CREBRF: variants seen among roughly 807,000 people sequenced by gnomAD.
CREBRF encodes the protein UPF0474 protein C5orf41.
A neutral mutation model predicts 66.1 loss-of-function variants in CREBRF; 5 were observed. The ratio of observed to expected loss-of-function variants is 0.08; its 90% CI spans 0.04 to 0.16. CREBRF has a LOEUF of 0.16. Among genes scored for constraint, CREBRF ranks in the 10% least tolerant of loss-of-function variants. The pLI, the probability that CREBRF is intolerant of heterozygous loss-of-function variation, is 1.00. For synonymous variants in CREBRF, 229 were observed against 264.4 expected (o/e 0.87, Z 1.30); for missense variants, 531 against 744.9 (o/e 0.71, Z 3.34).
rs1759156521 is a variant in CREBRF at position 173,122,374 on chromosome 5, T to C, written c.1682-706T>C. On this transcript the variant is annotated intron_variant, in intron 7 of 8. Transcript: ENST00000296953. Reference sequence around the variant, plus strand: ...CCTTGGTCTCCCAAAGTGTTGGGATTATAGGCGTGAGCCACTGCACCTGGC... The same window carrying C: ...CCTTGGTCTCCCAAAGTGTTGGGATCATAGGCGTGAGCCACTGCACCTGGC... Among the ~76,000 whole-genome samples, 3 of 152,306 alleles carry C rather than the reference T, an allele frequency of 2.0e-5. No homozygotes were observed. The South Asian group carries it at 6.2e-4, about 32-fold the overall frequency.
intron 4 of CREBRF, among the ~76,000 whole-genome samples, chr5:173,096,434 T>C (rs1461281323): frequency 4.0e-5 from 3 of 74,860 alleles, no homozygotes; most frequent in East Asian, 3.2e-4. Flanking sequence ...TCCCTTCCCT[T>C]CCCTCCCCTC....
Position 173,091,373 on chromosome 5 carries a change from T to G in CREBRF, c.1194T>G (p.Asp398Glu). The change falls in exon 4 of 9, where the codon GAT (aspartate) becomes GAG (glutamate). Residue 398 changes from aspartate (D) to glutamate (E), a missense_variant. By Grantham distance (45) the Asp-to-Glu change is conservative. Around this residue, in one of 5 missense-constraint regions of CREBRF, gnomAD observed 309 missense variants for 341.4 expected, o/e 0.90. Transcript: ENST00000296953. The part of the protein sequence containing the change: ...EEEDYEDDKD[D>E]DISDTFSEPG... Reference sequence around the variant, plus strand: ...AGGATTATGAAGATGACAAGGATGATGATATTAGTGATACTTTCTCTGAAC... The same window carrying G: ...AGGATTATGAAGATGACAAGGATGAGGATATTAGTGATACTTTCTCTGAAC... 1 of 1,613,942 alleles carries G rather than the reference T, an allele frequency of 6.2e-7. No homozygotes were observed. Among genetic ancestry groups the G allele is most frequent in the Non-Finnish European group, 8.5e-7 (1 of 1,179,932 alleles).
chr5:173,138,263 T>C lies in CREBRF; in HGVS notation c.*4518T>C, dbSNP rs1296173713. On this transcript the variant is annotated 3_prime_UTR_variant, in exon 9 of 9. Transcript: ENST00000296953. ...CTTCAAACACATTGGGATGTAACAA[T>C]GAATGTCAACTGTAGGAATGGTGGT... The C allele has an allele frequency of 6.6e-6, 1 of 152,156 alleles. No individual in the cohort carries two copies. The highest frequency in any genetic ancestry group is 1.5e-5 in the Non-Finnish European group (1 of 68,014). The allele number at this position is 152,156 out of a possible 1,614,324, so 9.4% of individuals were successfully genotyped here.
intron 6 of CREBRF, among the ~76,000 whole-genome samples, chr5:173,111,033 T>A (rs1758857709): frequency 6.6e-6 from 1 of 152,226 alleles, no homozygotes; most frequent in Non-Finnish European, 1.5e-5. Context: ...GTATACCTTT[T>A]AATGTATACT....
intron 4 of CREBRF, among the ~76,000 whole-genome samples, chr5:173,105,731 TG>T (rs1224248745): frequency 6.6e-6 from 1 of 152,064 alleles, no homozygotes; most frequent in African/African-American, 2.4e-5. Context: ...CCCAAAGTGC[TG>T]GGATTACAGG....
intron 4 of CREBRF, among the ~76,000 whole-genome samples, chr5:173,095,087 A>G (rs1255209248): frequency 1.3e-5 from 2 of 151,352 alleles, no homozygotes; most frequent in Non-Finnish European, 2.9e-5. Flanking sequence ...GAATTAATTA[A>G]TTGGACATAA....
chr5:173,086,634 A>G lies in CREBRF; in HGVS notation c.135+8A>G, dbSNP rs781680360. On this transcript the variant is annotated splice_region_variant and intron_variant, in intron 3 of 8. Coordinates refer to ENST00000296953, the MANE Select transcript of CREBRF (RefSeq NM_153607.3). ...GATTTCATGTATGAACTGGTAAGCA[A>G]CATTTTCTTGGTTTTGGTCTTGATT... 1.2e-6 allele frequency: 2 copies of G among 1,605,444 alleles called. No individual in the cohort carries two copies. Among genetic ancestry groups the G allele is most frequent in the Non-Finnish European group, 1.7e-6 (2 of 1,176,578 alleles).
At chr5:173,086,940 C>A (rs1395970586) in intron 3 of CREBRF, among the ~76,000 whole-genome samples, 1 of 128,044 alleles carries the variant, frequency 7.8e-6, no homozygotes, top group South Asian at 2.6e-4. Context: ...CCACATCCAA[C>A]TAATTTTGTT....
rs934979153 is a variant in CREBRF at position 173,136,169 on chromosome 5, G to T, written c.*2424G>T. 1 of 151,448 alleles carries T rather than the reference G, an allele frequency of 6.6e-6. No homozygotes were observed. Among genetic ancestry groups the T allele is most frequent in the Non-Finnish European group, 1.5e-5 (1 of 67,708 alleles). 9.4% of individuals were successfully genotyped at this position (151,448 alleles called of 1,614,324 possible). ...TCTAGCTGCTCTGTTAGGAATTCTG[G>T]TTTTTGATACTTTTTTCCTGTCTGC... is the stretch of plus-strand genomic sequence containing the variant. On this transcript the variant is annotated 3_prime_UTR_variant, in exon 9 of 9. Transcript: ENST00000296953.
At chr5:173,120,901 T>C (rs977974333) in intron 7 of CREBRF, among the ~76,000 whole-genome samples, 2 of 151,606 alleles carry the variant, frequency 1.3e-5, no homozygotes, top group Non-Finnish European at 1.5e-5. Flanking sequence ...TCATGTTGGC[T>C]AGGCTGGTCT....
At chr5:173,067,340 A>G (rs1166079659) in intron 1 of CREBRF, among the ~76,000 whole-genome samples, 1 of 152,226 alleles carries the variant, frequency 6.6e-6, no homozygotes, top group Non-Finnish European at 1.5e-5. Context: ...AACATTCATA[A>G]ATAGGCATTT....
At chr5:173,105,463 C>T (rs1758727315) in intron 4 of CREBRF, among the ~76,000 whole-genome samples, 1 of 151,726 alleles carries the variant, frequency 6.6e-6, no homozygotes, top group South Asian at 2.1e-4. Flanking sequence ...GTAACAAGGG[C>T]CTTTTATTTA....
In CREBRF at chr5:173,129,106, CTTTTTTTTTTTTTTTT is replaced by C. The variant is rs70984946; in HGVS notation, c.1805-4511_1805-4496del. On this transcript the variant is annotated intron_variant, in intron 8 of 8. Transcript: ENST00000296953. ...CTGAATCATTTTATATTAGTTACAT[CTTTTTTTTTTTTTTTT>C]TTTTTTTTTTTTGAGACGGAGTCTC... is the stretch of plus-strand genomic sequence containing the variant. 4.3e-4 allele frequency among the ~76,000 whole-genome samples: 23 copies of C among 53,750 alleles called. 1 individual carries two copies. The Admixed American group carries it at 6.0e-3, about 14-fold the overall frequency. The allele number at this position is 53,750 out of a possible 152,430, so 35.3% of individuals were successfully genotyped here.
At chr5:173,133,568 T>C in intron 8 of CREBRF, 62 bp from the exon 9 acceptor site, 1 of 912,886 alleles carries the variant, frequency 1.1e-6, no homozygotes, top group Non-Finnish European at 1.7e-6. Context: ...TACCAGCTCC[T>C]TCCCTTCCCT....
chr5:173,062,352 A>C (rs1232076796), intron 1 of CREBRF, among the ~76,000 whole-genome samples: 1 of 152,146 alleles, frequency 6.6e-6, no homozygotes, highest in Non-Finnish European at 1.5e-5. Context: ...GAATGCATGC[A>C]TTGCTGAGAA....
At chr5:173,104,192 A>G (rs1758693950) in intron 4 of CREBRF, among the ~76,000 whole-genome samples, 1 of 152,214 alleles carries the variant, frequency 6.6e-6, no homozygotes, top group Non-Finnish European at 1.5e-5. Context: ...GTGATTTGGC[A>G]AGAGAGATAT....
At chr5:173,114,120 A>C (rs1758931331) in intron 7 of CREBRF, among the ~76,000 whole-genome samples, 1 of 152,206 alleles carries the variant, frequency 6.6e-6, no homozygotes, top group Non-Finnish European at 1.5e-5. Context: ...TCCTTTGGTG[A>C]GGGCAGAAAA....
intron 7 of CREBRF, among the ~76,000 whole-genome samples, chr5:173,121,187 C>T (rs1759130562): frequency 1.3e-5 from 2 of 152,002 alleles, no homozygotes; most frequent in Non-Finnish European, 2.9e-5. Context: ...ATGGATCTAC[C>T]TGGGTAGGGG....
intron 1 of CREBRF, among the ~76,000 whole-genome samples, chr5:173,063,422 C>T (rs1325866695): frequency 6.6e-6 from 1 of 152,150 alleles, no homozygotes; most frequent in Non-Finnish European, 1.5e-5. Flanking sequence ...CGCTGGAGTG[C>T]AGTGGCGCCA....
Sources: allele counts gnomAD v4.1 joint callset (sites outside exome capture counted in the v4.1 genomes callset), GRCh38; gene constraint gnomAD v4.1.1; regional missense constraint gnomAD v4.1.1; transcripts MANE v1.5; gene names NCBI Gene and HGNC (gene_info 2026-07-23, HGNC 2026-07-21).